Variants in EPG5 observed in about 807,000 individuals in gnomAD.
The protein encoded by EPG5 is ectopic P-granules 5 autophagy tethering factor.
A neutral mutation model predicts 302.7 loss-of-function variants in EPG5; 159 were observed. The observed-to-expected ratio is 0.53, with a 90% CI of 0.46 to 0.60. The LOEUF is 0.60. Ranked by LOEUF, EPG5 falls within the 20% of genes least tolerant of loss-of-function variation. EPG5 has a pLI of 0.00. For missense variants in EPG5, 2,896 were observed against 3,092.4 expected, an observed-to-expected ratio of 0.94 and a Z score of 1.51; for synonymous variants, 1,158 against 1,136.8, an observed-to-expected ratio of 1.02 and a Z score of -0.37.
chr18:45,928,808 G>C, intron 13 of EPG5, 61 bp downstream of exon 13: 1 of 1,511,194 alleles, frequency 6.6e-7, no homozygotes, highest in East Asian at 2.3e-5. Flanking sequence ...TCCTATTTTT[G>C]CCAATGTTCC....
chr18:45,872,734 T>C (rs759539905), intron 35 of EPG5, among the ~76,000 whole-genome samples: 1 of 152,148 alleles, frequency 6.6e-6, no homozygotes, highest in African/African-American at 2.4e-5. Context: ...ATCAACACAT[T>C]GTACCAGACA....
chr18:45,825,840 TTAGGTAC>T, the EPG5 span: 4 of 1,594,208 alleles, frequency 2.5e-6, no homozygotes, highest in Non-Finnish European at 3.4e-6. Flanking sequence ...TGAAAGCATC[TTAGGTAC>T]AGTCTCCCCT....
At chr18:45,803,247 G>A in the EPG5 span, among the ~76,000 whole-genome samples, 8 of 152,302 alleles carry the variant, frequency 5.3e-5, no homozygotes, top group South Asian at 2.1e-4. Flanking sequence ...ACAACTCAGT[G>A]GCTAGGAATC....
At chr18:45,867,776 T>C in intron 36 of EPG5, 28 bp from the exon 37 acceptor site, 1 of 1,558,592 alleles carries the variant, frequency 6.4e-7, no homozygotes, top group African/African-American at 1.4e-5. Context: ...AAAATCATTC[T>C]GTTGCCTTGT....
the EPG5 span, among the ~76,000 whole-genome samples, chr18:45,814,749 C>T: frequency 1.3e-5 from 2 of 152,188 alleles, no homozygotes. Context: ...TAAGACCACA[C>T]ATCCAGCCAG....
intron 35 of EPG5, among the ~76,000 whole-genome samples, chr18:45,871,431 T>C (rs9946629): frequency 0.017 from 2,638 of 152,318 alleles, 72 homozygotes; most frequent in African/African-American, 0.054. Context: ...CTTCTGGGTA[T>C]ATATCCAAAA....
chr18:45,895,832 G>C (rs1480038177), intron 27 of EPG5, among the ~76,000 whole-genome samples: 1 of 152,108 alleles, frequency 6.6e-6, no homozygotes, highest in Non-Finnish European at 1.5e-5. Flanking sequence ...ACAGTTTCAT[G>C]ATGAGTCATA....
chr18:45,947,376 G>A (rs1399868303), intron 6 of EPG5, among the ~76,000 whole-genome samples: 2 of 152,010 alleles, frequency 1.3e-5, no homozygotes, highest in Admixed American at 1.3e-4. Flanking sequence ...TCGTTCCACT[G>A]CACTCCAGCC....
At chr18:45,829,300 C>A in the EPG5 span, 1 of 278,004 alleles carries the variant, frequency 3.6e-6, no homozygotes, top group East Asian at 1.8e-4. Context: ...ACTACTCACA[C>A]CTCACCCCTT....
chr18:45,927,591 T>TACACACAC (rs770234934), intron 13 of EPG5, among the ~76,000 whole-genome samples: 3 of 75,514 alleles, frequency 4.0e-5, no homozygotes, highest in African/African-American at 1.2e-4. Flanking sequence ...AACAAAAAGT[T>TACACACAC]ATACACACAC....
intron 23 of EPG5, among the ~76,000 whole-genome samples, chr18:45,908,981 A>G (rs2049827063): frequency 6.6e-6 from 1 of 152,162 alleles, no homozygotes; most frequent in South Asian, 2.1e-4. Context: ...TTTCCAGTAA[A>G]AACCTTTTAA....
chr18:45,943,198 A>G lies in EPG5; in HGVS notation c.1906T>C (p.Tyr636His). ...CCAATTCGCTTCACAAACTGCCTAT[A>G]GCGTGCTCTATTAAAGGTTTCTAAC... is the stretch of plus-strand genomic sequence containing the variant. ...VGLETFNRAR[Y>H]RQFVKRIGYM... Residue 636 changes from tyrosine (Y) to histidine (H), a missense_variant, in exon 9 of 44, where the codon TAT becomes CAT. Tyr to His is a moderately conservative substitution (Grantham distance 83). Coordinates refer to ENST00000282041, the MANE Select transcript of EPG5 (RefSeq NM_020964.3). The G allele has an allele frequency of 6.2e-7, 1 of 1,614,210 alleles. No homozygotes were observed. The highest frequency in any genetic ancestry group is 8.5e-7 in the Non-Finnish European group (1 of 1,180,036).
chr18:45,828,672 G>C, the EPG5 span, among the ~76,000 whole-genome samples: 1 of 152,154 alleles, frequency 6.6e-6, no homozygotes, highest in Non-Finnish European at 1.5e-5. Flanking sequence ...GGTGACTGCC[G>C]GGGCATCCAG....
chr18:45,847,464 G>A (rs1389035289), downstream of EPG5: 1 of 152,136 alleles, frequency 6.6e-6, no homozygotes, highest in Non-Finnish European at 1.5e-5. Flanking sequence ...GAAATTAGAG[G>A]CCTCGCCCAT....
intron 9 of EPG5, 31 bp from the exon 10 acceptor site, chr18:45,939,786 T>A: frequency 6.3e-7 from 1 of 1,593,744 alleles, no homozygotes. Context: ...TACAGTACTT[T>A]TCATTAGCTC....
At chr18:45,830,414 C>T in the EPG5 span, among the ~76,000 whole-genome samples, 1 of 152,134 alleles carries the variant, frequency 6.6e-6, no homozygotes, top group Non-Finnish European at 1.5e-5. Context: ...ATGCCCGATG[C>T]GGCAGCCCCA....
At chr18:45,873,402 C>A (rs577702692) in intron 35 of EPG5, among the ~76,000 whole-genome samples, 1 of 151,588 alleles carries the variant, frequency 6.6e-6, no homozygotes, top group South Asian at 2.1e-4. Context: ...CCCAGCTACT[C>A]GGGAGACTGA....
intron 27 of EPG5, among the ~76,000 whole-genome samples, chr18:45,891,280 C>T (rs2049339948): frequency 6.6e-6 from 1 of 152,070 alleles, no homozygotes; most frequent in African/African-American, 2.4e-5. Flanking sequence ...GCGCGGATCA[C>T]TTGAGGTCAG....
chr18:45,920,375 A>G (rs1205965152), intron 16 of EPG5, among the ~76,000 whole-genome samples: 6 of 152,212 alleles, frequency 3.9e-5, no homozygotes, highest in Non-Finnish European at 8.8e-5. Context: ...GCACTAAGTA[A>G]CTGTAAGAGG....
Sources: allele counts gnomAD v4.1 joint callset (sites outside exome capture counted in the v4.1 genomes callset), GRCh38; gene constraint gnomAD v4.1.1; transcripts MANE v1.5; gene names NCBI Gene and HGNC (gene_info 2026-07-23, HGNC 2026-07-21).